Variants in IGSF10 observed in about 807,000 individuals in gnomAD.
The protein encoded by IGSF10 is calvaria mechanical force protein 608.
A neutral mutation model predicts 128.2 loss-of-function variants in IGSF10; 126 were observed. That is an observed-to-expected ratio of 0.98 (90% CI 0.85 to 1.14). The LOEUF (loss-of-function observed/expected upper bound fraction) is 1.14. IGSF10 is among the 50% of genes most tolerant of loss of function. The pLI, the probability that IGSF10 is intolerant of heterozygous loss-of-function variation, is 0.00. For synonymous variants in IGSF10, 1,185 were observed against 1,146.2 expected (o/e 1.03, Z -0.68); for missense variants, 3,295 against 3,149.8 (o/e 1.05, Z -1.10).
At chr3:151,577,966 A>G in the IGSF10 span, among the ~76,000 whole-genome samples, 1 of 152,184 alleles carries the variant, frequency 6.6e-6, no homozygotes, top group African/African-American at 2.4e-5. Flanking sequence ...AAAATAGCCC[A>G]TCCTCTGCAA....
chr3:151,603,703 T>C, the IGSF10 span, among the ~76,000 whole-genome samples: 1 of 152,158 alleles, frequency 6.6e-6, no homozygotes, highest in Non-Finnish European at 1.5e-5. Flanking sequence ...CAAGGAGAGC[T>C]GATGGTTACT....
rs1721071268 is a variant in IGSF10, at chr3:151,444,543, C to T, written c.5062+376G>A. ...CAGGCTGATCCTGAACTCCTGACCT[C>T]AGGTAATCCACCCACCTTGGCCTCC... On this transcript the variant is annotated intron_variant, in intron 6 of 7. Coordinates refer to ENST00000282466, the MANE Select transcript of IGSF10 (RefSeq NM_178822.5). Among the ~76,000 whole-genome samples the T allele has an allele frequency of 2.6e-5, 4 of 152,186 alleles. No homozygotes were observed. In the South Asian group the frequency reaches 8.3e-4, roughly 31 times the overall value.
chr3:151,540,621 C>T, the IGSF10 span, among the ~76,000 whole-genome samples: 1 of 152,148 alleles, frequency 6.6e-6, no homozygotes, highest in African/African-American at 2.4e-5. Context: ...CTCTGGTGCA[C>T]ATATATCTAT....
At chr3:151,611,896 A>G in the IGSF10 span, among the ~76,000 whole-genome samples, 1 of 152,188 alleles carries the variant, frequency 6.6e-6, no homozygotes, top group Non-Finnish European at 1.5e-5. Flanking sequence ...ACCAAGAACT[A>G]TGTACGAATT....
the IGSF10 span, among the ~76,000 whole-genome samples, chr3:151,609,908 G>C: frequency 6.6e-6 from 1 of 152,110 alleles, no homozygotes; most frequent in Non-Finnish European, 1.5e-5. Flanking sequence ...CTGGGTAATG[G>C]AATCAATCAT....
At chr3:151,537,677 C>T in the IGSF10 span, among the ~76,000 whole-genome samples, 1 of 152,172 alleles carries the variant, frequency 6.6e-6, no homozygotes, top group African/African-American at 2.4e-5. Flanking sequence ...GGCATTCTAA[C>T]TTTAGTCATC....
the IGSF10 span, among the ~76,000 whole-genome samples, chr3:151,474,449 C>T: frequency 2.6e-5 from 4 of 152,238 alleles, no homozygotes; most frequent in Admixed American, 2.6e-4. Context: ...CTTTATATTT[C>T]TTCCAATAAG....
chr3:151,595,381 G>C, the IGSF10 span, among the ~76,000 whole-genome samples: 1 of 151,850 alleles, frequency 6.6e-6, no homozygotes, highest in Non-Finnish European at 1.5e-5. Context: ...AGTGTCCATT[G>C]ATGGCTGACT....
chr3:151,586,269 T>G, the IGSF10 span, among the ~76,000 whole-genome samples: 1 of 152,174 alleles, frequency 6.6e-6, no homozygotes, highest in East Asian at 1.9e-4. Flanking sequence ...CCATATTAAC[T>G]TTTTCATGGA....
rs749020030 is a variant in IGSF10 at position 151,436,834 on chromosome 3, T to G, written c.7727A>C (p.Glu2576Ala). The part of the protein sequence containing the change: ...DHSLLSTASK[E>A]RTHGSEQLHL... ...AAGCTGCTCACTTCCATGTGTCCTCTCTTTACTTGCCGTTGAGAGAAGGGA... is the reference window on the plus strand; with the variant it reads ...AAGCTGCTCACTTCCATGTGTCCTCGCTTTACTTGCCGTTGAGAGAAGGGA... Residue 2576 changes from glutamate to alanine, a missense_variant, in exon 8 of 8, where the codon GAG becomes GCG. Coordinates refer to ENST00000282466, the MANE Select transcript of IGSF10 (RefSeq NM_178822.5). 4 of 1,614,086 alleles carry G rather than the reference T, an allele frequency of 2.5e-6. No homozygotes were observed. Among genetic ancestry groups the G allele is most frequent in the East Asian group, 2.2e-5 (1 of 44,898 alleles).
the IGSF10 span, among the ~76,000 whole-genome samples, chr3:151,515,281 CA>C: frequency 6.6e-6 from 1 of 151,660 alleles, no homozygotes; most frequent in Admixed American, 6.6e-5. Flanking sequence ...TGGAATACTA[CA>C]CAGCCATAAA....
the IGSF10 span, among the ~76,000 whole-genome samples, chr3:151,525,002 CTTTTTTTTTTTTTTTTTTTTTTT>C: frequency 1.3e-3 from 66 of 49,738 alleles, no homozygotes; most frequent in African/African-American, 4.8e-3. Flanking sequence ...TGCATTACAC[CTTTTTTTTTTTTTTTTTTTTTTT>C]TTTTTTTTTT....
chr3:151,529,014 G>T, the IGSF10 span, among the ~76,000 whole-genome samples: 1 of 152,002 alleles, frequency 6.6e-6, no homozygotes, highest in Non-Finnish European at 1.5e-5. Flanking sequence ...TGAGCTTGGT[G>T]GGGGAGGGGA....
chr3:151,436,060 G>A (rs896291057), downstream of IGSF10: 4 of 152,100 alleles, frequency 2.6e-5, no homozygotes, highest in Non-Finnish European at 5.9e-5. Context: ...TTTATGATGT[G>A]CAGGTATTAC....
the IGSF10 span, among the ~76,000 whole-genome samples, chr3:151,554,843 G>C: frequency 6.6e-6 from 1 of 152,130 alleles, no homozygotes; most frequent in Non-Finnish European, 1.5e-5. Flanking sequence ...AAATATGTTA[G>C]TGCCATTTTC....
At chr3:151,440,240 G>C (rs1378119747) in intron 7 of IGSF10, among the ~76,000 whole-genome samples, 1 of 152,100 alleles carries the variant, frequency 6.6e-6, no homozygotes, top group East Asian at 1.9e-4. Context: ...GTGTTGCCAA[G>C]GCTGGTCTCC....
At chr3:151,598,102 T>TGTGTGTGTGTGTGTGTGA in the IGSF10 span, among the ~76,000 whole-genome samples, 1 of 149,466 alleles carries the variant, frequency 6.7e-6, no homozygotes, top group Admixed American at 6.7e-5. Flanking sequence ...TGTGTGTGTG[T>TGTGTGTGTGTGTGTGTGA]GTGTGTGTGA....
chr3:151,614,991 T>C, the IGSF10 span, among the ~76,000 whole-genome samples: 1 of 151,930 alleles, frequency 6.6e-6, no homozygotes, highest in African/African-American at 2.4e-5. Flanking sequence ...CTTGTAATGA[T>C]AGATGACTTT....
chr3:151,530,393 A>G, the IGSF10 span, among the ~76,000 whole-genome samples: 1 of 152,106 alleles, frequency 6.6e-6, no homozygotes. Context: ...AAGAAGAGCA[A>G]CCCCAAGACA....
Sources: allele counts gnomAD v4.1 joint callset (sites outside exome capture counted in the v4.1 genomes callset), GRCh38; gene constraint gnomAD v4.1.1; transcripts MANE v1.5; gene names NCBI Gene and HGNC (gene_info 2026-07-23, HGNC 2026-07-21).